The following TNIK variants were observed in gnomAD, a reference collection of about 807,000 sequenced individuals.
The protein encoded by TNIK is TRAF2 and NCK-interacting protein kinase.
In TNIK, 49 loss-of-function variants were observed where a neutral mutation model predicts 191.3. The ratio of observed to expected loss-of-function variants is 0.26; its 90% confidence interval spans 0.20 to 0.32. The LOEUF (loss-of-function observed/expected upper bound fraction) is 0.32. Among genes scored for constraint, TNIK ranks in the 10% least tolerant of loss-of-function variants. TNIK has a pLI of 1.00. For missense variants in TNIK, 1,155 were observed against 1,702.3 expected (o/e 0.68, Z 5.66); for synonymous variants, 594 against 600.9 (o/e 0.99, Z 0.17).
chr3:171,099,681 C>CA (rs1723183090), intron 22 of TNIK, among the ~76,000 whole-genome samples: 1 of 152,108 alleles, frequency 6.6e-6, no homozygotes, highest in South Asian at 2.1e-4. Context: ...GAAGAGGGGG[C>CA]AGGCTCTACC....
At chr3:171,226,690 G>C (rs1034021412) in intron 3 of TNIK, among the ~76,000 whole-genome samples, 1 of 150,598 alleles carries the variant, frequency 6.6e-6, no homozygotes, top group Non-Finnish European at 1.5e-5. Flanking sequence ...CAAATAAAAA[G>C]AATTAGTACT....
intron 24 of TNIK, among the ~76,000 whole-genome samples, chr3:171,086,589 G>A (rs1721386260): frequency 6.6e-6 from 1 of 152,202 alleles, no homozygotes; most frequent in African/African-American, 2.4e-5. Context: ...TATAACTTTA[G>A]AATTCAAAGG....
chr3:171,059,204 C>A lies in TNIK; in HGVS notation c.*4677G>T, dbSNP rs1208977739. On this transcript the variant is annotated 3_prime_UTR_variant, in exon 33 of 33. Transcript: ENST00000436636. ...ACTCAAAAATCTGTAAACTTTAGGACATTTTTATTTTTAACTGTATTTTCT... is the reference window on the plus strand; with the variant it reads ...ACTCAAAAATCTGTAAACTTTAGGAAATTTTTATTTTTAACTGTATTTTCT... Among the ~76,000 whole-genome samples, 2 of 152,152 alleles carry A rather than the reference C, an allele frequency of 1.3e-5. No individual in the cohort carries two copies. The highest frequency in any genetic ancestry group is 3.9e-4 in the East Asian group (2 of 5,194).
At position 171,230,584 on chromosome 3, in the gene TNIK, G is replaced by A. The variant is rs188808212; in HGVS notation, c.124-2363C>T. 3.3e-3 allele frequency among the ~76,000 whole-genome samples: 498 copies of A among 152,168 alleles called. 3 individuals carry two copies. The highest frequency in any genetic ancestry group is 5.1e-3 in the Non-Finnish European group (347 of 68,006). On this transcript the variant is annotated intron_variant, in intron 2 of 32. Coordinates refer to ENST00000436636, the MANE Select transcript of TNIK (RefSeq NM_015028.4). ...TGGACCTTGAGAACAAACTGTTTGC[G>A]CTTCTGTAAATGTACTTTATTGTTT...
At chr3:171,091,460 C>T (rs1323742373) in intron 23 of TNIK, among the ~76,000 whole-genome samples, 3 of 152,100 alleles carry the variant, frequency 2.0e-5, no homozygotes, top group Admixed American at 6.5e-5. Flanking sequence ...AGCAGTCTCT[C>T]GGCCGGGCGT....
At chr3:171,240,709 T>C (rs1388847077) in intron 2 of TNIK, among the ~76,000 whole-genome samples, 1 of 152,228 alleles carries the variant, frequency 6.6e-6, no homozygotes, top group Admixed American at 6.5e-5. Flanking sequence ...GAGTCTCAAA[T>C]GACTCTTCTC....
At chr3:171,260,155 T>C (rs771787110) in intron 2 of TNIK, among the ~76,000 whole-genome samples, 7 of 151,996 alleles carry the variant, frequency 4.6e-5, no homozygotes, top group Non-Finnish European at 2.9e-5. Flanking sequence ...TCAGCAAGAG[T>C]CCTGTTAGGT....
intron 3 of TNIK, among the ~76,000 whole-genome samples, chr3:171,222,599 A>G (rs80199040): frequency 6.6e-6 from 1 of 152,168 alleles, no homozygotes; most frequent in Non-Finnish European, 1.5e-5. Context: ...TCTTCCAAAC[A>G]ACCCAAGATG....
intron 2 of TNIK, among the ~76,000 whole-genome samples, chr3:171,337,522 A>G (rs112889377): frequency 0.028 from 4,228 of 152,296 alleles, 205 homozygotes; most frequent in African/African-American, 0.096. Flanking sequence ...TATAGTTACA[A>G]TGCCATATTT....
chr3:171,395,840 G>C (rs1158433209), intron 1 of TNIK, among the ~76,000 whole-genome samples: 1 of 152,116 alleles, frequency 6.6e-6, no homozygotes, highest in African/African-American at 2.4e-5. Flanking sequence ...TCATCTGACT[G>C]TCTTTCCCTG....
intron 6 of TNIK, among the ~76,000 whole-genome samples, chr3:171,189,155 T>C (rs530866822): frequency 1.3e-5 from 2 of 152,328 alleles, no homozygotes; most frequent in South Asian, 4.1e-4. Flanking sequence ...CACTACCTTG[T>C]ATAAGTGGAA....
intron 19 of TNIK, 128 bp from the exon 20 acceptor site, chr3:171,108,290 C>A: frequency 2.0e-5 from 13 of 635,370 alleles, no homozygotes; most frequent in Non-Finnish European, 2.7e-5. Context: ...TTCACCTGGG[C>A]AAATCCTCAA....
rs80179281 is a variant in TNIK at position 171,082,957 on chromosome 3, G to A, written c.3170-563C>T. 8.5e-5 allele frequency among the ~76,000 whole-genome samples: 13 copies of A among 152,304 alleles called. 1 individual carries two copies. The highest frequency in any genetic ancestry group is 8.5e-4 in the Admixed American group (13 of 15,294). ...GAAATGATAAACCCATTCAAGAGAA[G>A]TGTTAATAGCTGGAGAGTCACAGAC... On this transcript the variant is annotated intron_variant, in intron 26 of 32. Coordinates refer to ENST00000436636, the MANE Select transcript of TNIK (RefSeq NM_015028.4).
intron 29 of TNIK, among the ~76,000 whole-genome samples, chr3:171,069,334 C>A (rs1243074274): frequency 6.6e-6 from 1 of 152,144 alleles, no homozygotes; most frequent in Non-Finnish European, 1.5e-5. Flanking sequence ...CTGAAGAAGG[C>A]CCAGTCACCT....
At chr3:171,172,365 G>A (rs1330473989) in intron 9 of TNIK, among the ~76,000 whole-genome samples, 1 of 152,032 alleles carries the variant, frequency 6.6e-6, no homozygotes, top group Non-Finnish European at 1.5e-5. Flanking sequence ...AGAATGTTTT[G>A]GAATTTTGTC....
At chr3:171,391,449 T>C (rs529228337) in intron 1 of TNIK, among the ~76,000 whole-genome samples, 1 of 152,316 alleles carries the variant, frequency 6.6e-6, no homozygotes, top group East Asian at 1.9e-4. Context: ...TCCTCTCCCA[T>C]ACCAGGAAGA....
chr3:171,182,844 G>T (rs1039902125), intron 7 of TNIK, among the ~76,000 whole-genome samples: 1 of 152,116 alleles, frequency 6.6e-6, no homozygotes, highest in African/African-American at 2.4e-5. Flanking sequence ...TGAGGTAGAA[G>T]GTGCCTATGG....
Position 171,131,337 on chromosome 3 carries a change from CAAAAAAAAAAAAAAAAAAAAAAAA to C in TNIK, c.1609-2483_1609-2460del, listed in dbSNP as rs61728094. 1.2e-3 allele frequency among the ~76,000 whole-genome samples: 27 copies of C among 23,162 alleles called. No individual in the cohort carries two copies. In the South Asian group the frequency reaches 0.032, roughly 28 times the overall value. The allele number at this position is 23,162 out of a possible 152,430, so 15.2% of individuals were successfully genotyped here. A position where few individuals can be genotyped will look rare whatever the true frequency, so the allele number is the denominator to read the frequency against. On this transcript the variant is annotated intron_variant, in intron 15 of 32. Coordinates refer to ENST00000436636, the MANE Select transcript of TNIK (RefSeq NM_015028.4). ...TGGGCGACAGAGCGAGACTCCGTCT[CAAAAAAAAAAAAAAAAAAAAAAAA>C]AAAAAAAAAAAAAGAAATGAACAGG... is the stretch of plus-strand genomic sequence containing the variant.
At chr3:171,279,493 C>T (rs938493368) in intron 2 of TNIK, among the ~76,000 whole-genome samples, 7 of 152,038 alleles carry the variant, frequency 4.6e-5, no homozygotes, top group South Asian at 2.1e-4. Flanking sequence ...AGAATTATAC[C>T]GATTTGCCCT....
Sources: gnomAD v4.1 joint callset for allele counts (sites outside exome capture counted in the v4.1 genomes callset) on GRCh38, gnomAD v4.1.1 for gene constraint, MANE v1.5 for transcripts, NCBI Gene and HGNC (gene_info 2026-07-23, HGNC 2026-07-21) for gene names.